NEK11: variants seen among roughly 807,000 people sequenced by gnomAD.
NEK11 encodes the protein serine/threonine-protein kinase Nek11.
NEK11 carries 72 observed loss-of-function variants against 80.7 expected under a neutral mutation model. The ratio of observed to expected loss-of-function variants is 0.89; its 90% CI spans 0.74 to 1.08. NEK11 has a LOEUF of 1.08. NEK11 is among the 50% of genes least tolerant of loss of function. The probability of loss-of-function intolerance (pLI) is 0.00; values close to 1 mark genes in which losing one functional copy is unlikely to be tolerated. For missense variants in NEK11, 764 were observed against 763.6 expected, an observed-to-expected ratio of 1.00 and a Z score of -0.01; for synonymous variants, 251 against 260.7, an observed-to-expected ratio of 0.96 and a Z score of 0.36.
intron 9 of NEK11, among the ~76,000 whole-genome samples, chr3:131,154,225 C>G (rs1224459777): frequency 6.6e-6 from 1 of 152,030 alleles, no homozygotes; most frequent in Non-Finnish European, 1.5e-5. Context: ...CTGGAAAGAG[C>G]CTCATATGCT....
intron 14 of NEK11, among the ~76,000 whole-genome samples, chr3:131,214,967 A>G (rs1280111793): frequency 3.9e-5 from 6 of 152,156 alleles, no homozygotes; most frequent in Non-Finnish European, 8.8e-5. Flanking sequence ...TGGTTTTGAA[A>G]GTTTGTTTTA....
chr3:131,267,041 G>A (rs1049496653), intron 16 of NEK11, among the ~76,000 whole-genome samples: 4 of 152,058 alleles, frequency 2.6e-5, no homozygotes, highest in African/African-American at 9.7e-5. Flanking sequence ...CATTTGCTTG[G>A]TAAATATTAT....
At chr3:131,301,711 A>C (rs1254795165) in intron 17 of NEK11, among the ~76,000 whole-genome samples, 1 of 152,178 alleles carries the variant, frequency 6.6e-6, no homozygotes, top group Non-Finnish European at 1.5e-5. Context: ...CCAACCTTAC[A>C]TCCCAGTAAT....
chr3:131,049,426 C>T (rs2067974626), intron 3 of NEK11, among the ~76,000 whole-genome samples: 1 of 152,138 alleles, frequency 6.6e-6, no homozygotes, highest in South Asian at 2.1e-4. Context: ...AAAATTTTAT[C>T]CTAAGACTTA....
chr3:131,028,556 T>A lies in NEK11; in HGVS notation c.-97+554T>A, dbSNP rs565008292. On this transcript the variant is annotated intron_variant, in intron 2 of 17. Coordinates refer to ENST00000383366, the MANE Select transcript of NEK11 (RefSeq NM_024800.5). Reference sequence around the variant, plus strand: ...TGAAACAGTCCTGCCTTTCTTTTTTTTGTTTTTGTTTTTGTTTTTGTTTTT... The same window carrying A: ...TGAAACAGTCCTGCCTTTCTTTTTTATGTTTTTGTTTTTGTTTTTGTTTTT... Among the ~76,000 whole-genome samples the A allele has an allele frequency of 1.9e-3, 98 of 52,732 alleles. 1 individual carries two copies. The East Asian group carries it at 0.043, about 23-fold the overall frequency. 34.6% of individuals were successfully genotyped at this position (52,732 alleles called of 152,430 possible). A position where few individuals can be genotyped will look rare whatever the true frequency, so the allele number is the denominator to read the frequency against.
At chr3:131,047,202 C>A (rs1174078324) in intron 3 of NEK11, among the ~76,000 whole-genome samples, 1 of 151,892 alleles carries the variant, frequency 6.6e-6, no homozygotes, top group African/African-American at 2.4e-5. Flanking sequence ...TTTTTGATTT[C>A]ATTAAGTTAG....
At chr3:131,340,836 A>G (rs1015536885) in intron 17 of NEK11, among the ~76,000 whole-genome samples, 1 of 152,174 alleles carries the variant, frequency 6.6e-6, no homozygotes, top group African/African-American at 2.4e-5. Context: ...ATTTGGACTA[A>G]AATGATGTTT....
At chr3:131,250,615 G>C (rs972280994) in intron 16 of NEK11, among the ~76,000 whole-genome samples, 1 of 152,192 alleles carries the variant, frequency 6.6e-6, no homozygotes, top group Middle Eastern at 3.4e-3. Flanking sequence ...TAGGAGAGAG[G>C]TTAAGGGGAT....
At chr3:131,278,757 A>G (rs1208903826) in intron 17 of NEK11, among the ~76,000 whole-genome samples, 1 of 152,052 alleles carries the variant, frequency 6.6e-6, no homozygotes, top group Non-Finnish European at 1.5e-5. Context: ...GGCCTGCTCT[A>G]TCTAAATGAA....
intron 4 of NEK11, among the ~76,000 whole-genome samples, chr3:131,101,656 G>T (rs140975862): frequency 6.6e-6 from 1 of 152,102 alleles, no homozygotes; most frequent in African/African-American, 2.4e-5. Flanking sequence ...GCATGAGTTC[G>T]ATCTTAGAAT....
intron 14 of NEK11, among the ~76,000 whole-genome samples, chr3:131,195,793 A>AATATATATATATAT (rs58272752): frequency 0.01 from 1,342 of 133,746 alleles, 24 homozygotes; most frequent in African/African-American, 0.034. Context: ...TATATTTCAG[A>AATATATATATATAT]ATATATATAT....
intron 4 of NEK11, among the ~76,000 whole-genome samples, chr3:131,107,982 G>A (rs1303737625): frequency 2.0e-5 from 3 of 152,078 alleles, no homozygotes; most frequent in Non-Finnish European, 4.4e-5. Context: ...AGGCAGGTTT[G>A]AAGAATGAGA....
chr3:131,060,402 T>C (rs151035053), intron 3 of NEK11, among the ~76,000 whole-genome samples: 8 of 152,356 alleles, frequency 5.3e-5, no homozygotes, highest in African/African-American at 1.7e-4. Flanking sequence ...TTATCTAGCC[T>C]TCTAATAATT....
At chr3:131,029,485 T>A (rs1178605222) in intron 2 of NEK11, 128 bp from the exon 3 acceptor site, 1 of 370,096 alleles carries the variant, frequency 2.7e-6, no homozygotes, top group African/African-American at 2.1e-5. Context: ...TTAACATTTT[T>A]TTTCAAGTTG....
intron 17 of NEK11, among the ~76,000 whole-genome samples, chr3:131,346,629 G>C (rs945177996): frequency 1.3e-5 from 2 of 152,316 alleles, no homozygotes; most frequent in Non-Finnish European, 2.9e-5. Flanking sequence ...TGGTTATGAT[G>C]ATGGGCCATG....
intron 7 of NEK11, among the ~76,000 whole-genome samples, chr3:131,142,345 G>A (rs147347477): frequency 0.011 from 1,677 of 152,300 alleles, 20 homozygotes; most frequent in Middle Eastern, 0.027. Flanking sequence ...ACTGACAGTA[G>A]GGAGAAGATT....
chr3:131,128,183 T>C (rs2083702274), intron 5 of NEK11, among the ~76,000 whole-genome samples: 4 of 152,140 alleles, frequency 2.6e-5, no homozygotes, highest in Admixed American at 2.6e-4. Flanking sequence ...TCAAAGTCTA[T>C]AGTTTACATT....
At chr3:131,157,308 A>G (rs1343432424) in intron 10 of NEK11, among the ~76,000 whole-genome samples, 2 of 151,982 alleles carry the variant, frequency 1.3e-5, no homozygotes, top group African/African-American at 4.8e-5. Context: ...TGGTTACTGA[A>G]TTTTTTTGGT....
At chr3:131,142,893 G>A (rs1449003306) in intron 7 of NEK11, among the ~76,000 whole-genome samples, 2 of 152,180 alleles carry the variant, frequency 1.3e-5, no homozygotes, top group Non-Finnish European at 2.9e-5. Flanking sequence ...GTAAAGCTCA[G>A]TTGTGGAGGA....
Sources: allele counts gnomAD v4.1 joint callset (sites outside exome capture counted in the v4.1 genomes callset), GRCh38; gene constraint gnomAD v4.1.1; transcripts MANE v1.5; gene names NCBI Gene and HGNC (gene_info 2026-07-23, HGNC 2026-07-21).